The following ORC1 variants were observed in gnomAD, a reference collection of about 807,000 sequenced individuals.
ORC1 encodes the protein origin recognition complex subunit 1.
A neutral mutation model predicts 98.9 loss-of-function variants in ORC1; 61 were observed. That is an observed-to-expected ratio of 0.62 (90% CI 0.50 to 0.76). The LOEUF is 0.76. ORC1 is among the 30% of genes least tolerant of loss of function. ORC1 has a pLI of 0.00. For synonymous variants in ORC1, 385 were observed against 406.9 expected, an observed-to-expected ratio of 0.95 and a Z score of 0.65; for missense variants, 979 against 1,072.2, an observed-to-expected ratio of 0.91 and a Z score of 1.21.
Position 52,385,904 on chromosome 1 carries a change from G to A in ORC1, c.1429C>T (p.Arg477Ter), listed in dbSNP as rs1647136578. The A allele has an allele frequency of 3.1e-6, 5 of 1,613,816 alleles. No individual in the cohort carries two copies. The highest frequency in any genetic ancestry group is 4.5e-5 in the East Asian group (2 of 44,882). Reference protein sequence around the residue: ...PRCAAPQIRSRSLAAQEPASV... With the variant: ...PRCAAPQIRS ...GCTGGCTCCTGGGCAGCCAGGCTTC[G>A]ACTACGGATCTGAGGAGCGGCACAA... is the stretch of plus-strand genomic sequence containing the variant. Residue 477 changes from arginine (R) to a stop codon, truncating the protein, a stop_gained, in exon 9 of 17, where the codon CGA becomes TGA. Coordinates refer to ENST00000371568, the MANE Select transcript of ORC1 (RefSeq NM_004153.4). LOFTEE classifies it high-confidence loss of function.
chr1:52,400,037 C>G (rs1647629649), intron 3 of ORC1, among the ~76,000 whole-genome samples: 1 of 152,178 alleles, frequency 6.6e-6, no homozygotes, highest in African/African-American at 2.4e-5. Context: ...CAATGGAGCA[C>G]CAAGAGAGGA....
In ORC1 at chr1:52,389,294, A is replaced by C; in HGVS notation, c.1110T>G (p.Asn370Lys). 2 of 1,614,200 alleles carry C rather than the reference A, an allele frequency of 1.2e-6. No individual in the cohort carries two copies. The highest frequency in any genetic ancestry group is 3.3e-4 in the Middle Eastern group (2 of 6,062). Residue 370 changes from asparagine (N) to lysine (K), a missense_variant, in exon 7 of 17, where the codon AAT becomes AAG. Transcript: ENST00000371568. The stretch of plus-strand genomic sequence containing the variant: ...TACGATGGGGAGTAGAGGTCGCTTC[A>C]TTCTGGGCTTTTGCTTCTTTTGCAT... ...KRDAKEAKAQ[N>K]EATSTPHRIR... is the part of the protein sequence containing the mutation.
At chr1:52,380,081 C>A (rs995768053) in intron 14 of ORC1, among the ~76,000 whole-genome samples, 2 of 152,192 alleles carry the variant, frequency 1.3e-5, no homozygotes, top group African/African-American at 4.8e-5. Flanking sequence ...ACTGGAAGAC[C>A]TCTTCTGTAC....
At chr1:52,382,241 AG>A (rs1454448545) in intron 13 of ORC1, among the ~76,000 whole-genome samples, 1 of 152,096 alleles carries the variant, frequency 6.6e-6, no homozygotes, top group Non-Finnish European at 1.5e-5. Flanking sequence ...GGCCTCCCAA[AG>A]TGCTGGGATT....
Position 52,393,161 on chromosome 1 carries a change from G to C in ORC1, c.1082+282C>G, listed in dbSNP as rs572139179. Among the ~76,000 whole-genome samples the C allele has an allele frequency of 5.9e-5, 9 of 152,258 alleles. No homozygotes were observed. In the South Asian group the frequency reaches 1.9e-3, roughly 32 times the overall value. On this transcript the variant is annotated intron_variant, in intron 6 of 16. Coordinates refer to ENST00000371568, the MANE Select transcript of ORC1 (RefSeq NM_004153.4). The stretch of plus-strand genomic sequence containing the variant: ...AAATCCCAAACTGGATAGCAATGCA[G>C]GTTTGGGAAGTTATCTTCTATAGCA...
chr1:52,400,799 A>G (rs1647668419), intron 3 of ORC1, among the ~76,000 whole-genome samples: 1 of 152,164 alleles, frequency 6.6e-6, no homozygotes, highest in South Asian at 2.1e-4. Flanking sequence ...GCCTAGGGGC[A>G]GCCGTGGCTT....
At chr1:52,378,895 T>C (rs1352483556) in intron 14 of ORC1, among the ~76,000 whole-genome samples, 9 of 148,996 alleles carry the variant, frequency 6.0e-5, no homozygotes, top group Non-Finnish European at 8.9e-5. Flanking sequence ...TAGCTGGGCA[T>C]GTTGGCGGGC....
At chr1:52,399,293 A>T (rs1208911854) in intron 3 of ORC1, among the ~76,000 whole-genome samples, 1 of 152,166 alleles carries the variant, frequency 6.6e-6, no homozygotes, top group Non-Finnish European at 1.5e-5. Flanking sequence ...GTTGGAGACC[A>T]GCCTGCCCAA....
At chr1:52,406,121 T>C (rs755441187), upstream of ORC1, among the ~76,000 whole-genome samples, 12 of 152,298 alleles carry the variant, frequency 7.9e-5, no homozygotes, top group South Asian at 8.3e-4. Context: ...CCCGAGTAGC[T>C]GGGATTACAG....
intron 6 of ORC1, among the ~76,000 whole-genome samples, 166 bp from the exon 7 acceptor site, chr1:52,389,487 T>C (rs1217947918): frequency 6.6e-6 from 1 of 152,076 alleles, no homozygotes; most frequent in Non-Finnish European, 1.5e-5. Flanking sequence ...AAATTATAAC[T>C]AAAAAGTTAT....
intron 10 of ORC1, 119 bp downstream of exon 10, chr1:52,385,042 G>A (rs746331828): frequency 2.5e-6 from 2 of 795,284 alleles, no homozygotes; most frequent in African/African-American, 1.7e-5. Context: ...CTTCAGCAAC[G>A]ATTTGGTCTA....
intron 5 of ORC1, among the ~76,000 whole-genome samples, chr1:52,395,559 T>A (rs186606097): frequency 2.0e-5 from 3 of 152,342 alleles, no homozygotes; most frequent in African/African-American, 7.2e-5. Flanking sequence ...ATGCCTGTAA[T>A]CCCAGCACTT....
chr1:52,382,858 G>A (rs1430707690), intron 13 of ORC1, among the ~76,000 whole-genome samples: 2 of 151,940 alleles, frequency 1.3e-5, no homozygotes, highest in African/African-American at 4.8e-5. Context: ...GGGATTACAG[G>A]CGTGAGCCAC....
At chr1:52,381,613 C>T in intron 14 of ORC1, 29 bp downstream of exon 14, 2 of 1,610,226 alleles carry the variant, frequency 1.2e-6, no homozygotes, top group Non-Finnish European at 1.7e-6. Context: ...GATGTGCTGA[C>T]TGATTTATGG....
At chr1:52,392,411 A>T (rs1647234352) in intron 6 of ORC1, among the ~76,000 whole-genome samples, 1 of 152,036 alleles carries the variant, frequency 6.6e-6, no homozygotes, top group Admixed American at 6.6e-5. Flanking sequence ...TACAGGAGTG[A>T]GCCACCGCGC....
intron 3 of ORC1, among the ~76,000 whole-genome samples, chr1:52,398,668 GC>G (rs1647543771): frequency 6.6e-6 from 1 of 151,976 alleles, no homozygotes; most frequent in East Asian, 1.9e-4. Context: ...TGCAAGCTCC[GC>G]CTCCCAGGTT....
chr1:52,373,168 T>C lies in ORC1; in HGVS notation c.*13A>G. On this transcript the variant is annotated 3_prime_UTR_variant, in exon 17 of 17. Transcript: ENST00000371568. ...CCCAGCAAGACCCCAGTCTTTTAAC[T>C]TGTGAAGCCCCTTTACTCGTCTTTC... 6.2e-7 allele frequency: 1 copy of C among 1,613,636 alleles called. No individual in the cohort carries two copies. Among genetic ancestry groups the C allele is most frequent in the South Asian group, 1.1e-5 (1 of 91,002 alleles).
rs1647376765 is a variant in ORC1, at chr1:52,396,046, T to C, written c.721A>G (p.Asn241Asp). Residue 241 changes from asparagine to aspartate, a missense_variant and splice_region_variant, in exon 5 of 17, where the codon AAC becomes GAC. Transcript: ENST00000371568. Reference sequence around the variant, plus strand: ...CACGGTGATCCATTCCACAACTTACTGCCAAGCTCCAGCCTCTTTCTGGCT... The same window carrying C: ...CACGGTGATCCATTCCACAACTTACCGCCAAGCTCCAGCCTCTTTCTGGCT... ...PRARKRLELG[N>D]LGNPQMSQQT... The C allele has an allele frequency of 6.2e-7, 1 of 1,614,184 alleles. No homozygotes were observed. The highest frequency in any genetic ancestry group is 8.5e-7 in the Non-Finnish European group (1 of 1,180,020).
chr1:52,387,162 CAGG>C (rs1647153084), intron 8 of ORC1, among the ~76,000 whole-genome samples: 1 of 152,068 alleles, frequency 6.6e-6, no homozygotes, highest in Non-Finnish European at 1.5e-5. Context: ...CAGGACACAG[CAGG>C]AGGTGAGTGG....
Sources: gnomAD v4.1 joint callset for allele counts (sites outside exome capture counted in the v4.1 genomes callset) on GRCh38, gnomAD v4.1.1 for gene constraint, MANE v1.5 for transcripts, NCBI Gene and HGNC (gene_info 2026-07-23, HGNC 2026-07-21) for gene names.